The following ATP2B2 variants were observed in gnomAD, a reference collection of about 807,000 sequenced individuals.
The protein encoded by ATP2B2 is ATPase plasma membrane Ca2+ transporting 2, also known as plasma membrane calcium-transporting ATPase 2.
A neutral mutation model predicts 120.0 loss-of-function variants in ATP2B2; 15 were observed. The ratio of observed to expected loss-of-function variants is 0.12; its 90% CI spans 0.08 to 0.19. The LOEUF (loss-of-function observed/expected upper bound fraction) is 0.19. Ranked by LOEUF, ATP2B2 falls within the 10% of genes least tolerant of loss-of-function variation. The pLI, the probability that ATP2B2 is intolerant of heterozygous loss-of-function variation, is 1.00. For synonymous variants in ATP2B2, 694 were observed against 700.3 expected (o/e 0.99, Z 0.14); for missense variants, 1,045 against 1,719.8 (o/e 0.61, Z 6.94).
At chr3:10,445,204 T>C (rs1434346504) in intron 2 of ATP2B2, among the ~76,000 whole-genome samples, 3 of 152,264 alleles carry the variant, frequency 2.0e-5, no homozygotes, top group African/African-American at 7.2e-5. Context: ...CAGTGGCTTA[T>C]CTAATTTAAT....
rs566806038 is a variant in ATP2B2, at chr3:10,375,313, G to A, written c.1416+117C>T. The A allele has an allele frequency of 1.2e-6, 1 of 849,338 alleles. No individual in the cohort carries two copies. Among genetic ancestry groups the A allele is most frequent in the Admixed American group, 2.0e-5 (1 of 50,636 alleles). 52.6% of individuals were successfully genotyped at this position (849,338 alleles called of 1,614,324 possible). ...CATACATTCTTCTTCCAAGCTCCTA[G>A]GGGGTCTATGGGGCTTCTTCGTTCA... On this transcript the variant is annotated intron_variant, in intron 11 of 22. Coordinates refer to ENST00000360273, the MANE Select transcript of ATP2B2 (RefSeq NM_001001331.4). This position sits in a 1 kb window ranked among gnomAD's most constrained non-coding sequence, Gnocchi z 4.2.
chr3:10,600,127 G>C (rs555547692), intron 2 of ATP2B2, among the ~76,000 whole-genome samples: 14 of 151,874 alleles, frequency 9.2e-5, no homozygotes, highest in Non-Finnish European at 1.6e-4. Context: ...GGCCATGGGG[G>C]CCACACCCCT....
rs1308398413 is a variant in ATP2B2, at chr3:10,329,254, G to T, written c.3421-129C>A. The T allele has an allele frequency of 6.6e-6, 6 of 914,232 alleles. No individual in the cohort carries two copies. The Admixed American group carries it at 9.1e-5, about 14-fold the overall frequency. The allele number at this position is 914,232 out of a possible 1,614,324, so 56.6% of individuals were successfully genotyped here. On this transcript the variant is annotated intron_variant, in intron 22 of 22. Transcript: ENST00000360273. This position sits in a 1 kb window ranked among gnomAD's most constrained non-coding sequence, Gnocchi z 5.9. ...TGGCTGGAATCCATAGTCGCTGGGT[G>T]TTATTAGCATTGACAGGATGGGGGA...
chr3:10,474,395 T>C (rs1219976155), intron 1 of ATP2B2, among the ~76,000 whole-genome samples: 10 of 151,990 alleles, frequency 6.6e-5, no homozygotes. Flanking sequence ...CAGATATAAA[T>C]ATGGAAATCA....
intron 2 of ATP2B2, among the ~76,000 whole-genome samples, chr3:10,612,601 C>T (rs1234178388): frequency 6.6e-6 from 1 of 152,192 alleles, no homozygotes; most frequent in African/African-American, 2.4e-5. Context: ...CCTCAGTTAT[C>T]CAGCCCCATG....
In ATP2B2 at chr3:10,577,494, G is replaced by C. The variant is rs1370104244; in HGVS notation, c.-415+42423C>G. 2.6e-5 allele frequency among the ~76,000 whole-genome samples: 4 copies of C among 152,260 alleles called. No individual in the cohort carries two copies. In the South Asian group the frequency reaches 8.3e-4, roughly 32 times the overall value. ...CCCCAAGGCCATCAGGGGATCCCAGGGCTGCAGAAACCATCGGCTGGGCCA... is the reference window on the plus strand; with the variant it reads ...CCCCAAGGCCATCAGGGGATCCCAGCGCTGCAGAAACCATCGGCTGGGCCA... On this transcript the variant is annotated intron_variant, in intron 2 of 21. Transcript: ENST00000646379.
In ATP2B2 at chr3:10,618,270, C is replaced by T. The variant is rs1411317005; in HGVS notation, c.-415+1647G>A. Among the ~76,000 whole-genome samples the T allele has an allele frequency of 1.6e-4, 24 of 152,280 alleles. No homozygotes were observed. In the South Asian group the frequency reaches 2.7e-3, roughly 17 times the overall value. On this transcript the variant is annotated intron_variant, in intron 2 of 21. Coordinates refer to the ATP2B2 transcript ENST00000646379. ...AGCCTCAGTCTCCTCGCCTGCAGAA[C>T]GGGGATAATCATTGCGTCTTGTTCT...
At chr3:10,685,522 GTA>G (rs2071498457) in intron 1 of ATP2B2, among the ~76,000 whole-genome samples, 3 of 152,106 alleles carry the variant, frequency 2.0e-5, no homozygotes, top group Non-Finnish European at 2.9e-5. Flanking sequence ...GAGAGTGTGT[GTA>G]TGTGTGTGTG....
At chr3:10,441,512 T>C (rs937471265) in intron 2 of ATP2B2, among the ~76,000 whole-genome samples, 4 of 152,194 alleles carry the variant, frequency 2.6e-5, no homozygotes, top group Non-Finnish European at 2.9e-5. Flanking sequence ...AGTGCTGGGA[T>C]TACTGGTGCG....
intron 2 of ATP2B2, among the ~76,000 whole-genome samples, chr3:10,553,574 T>C (rs1189714679): frequency 6.6e-6 from 1 of 152,176 alleles, no homozygotes; most frequent in Non-Finnish European, 1.5e-5. Flanking sequence ...TACTTAAATA[T>C]TTAGTACTTA....
intron 18 of ATP2B2, 74 bp downstream of exon 18, chr3:10,345,310 C>G: frequency 1.9e-6 from 3 of 1,550,462 alleles, no homozygotes; most frequent in South Asian, 2.2e-5. Flanking sequence ...ACCTGGAGTA[C>G]CCTAAGGCCC....
intron 2 of ATP2B2, among the ~76,000 whole-genome samples, chr3:10,536,738 G>A (rs959300212): frequency 1.4e-5 from 2 of 138,544 alleles, no homozygotes; most frequent in African/African-American, 5.3e-5. Context: ...AAGTTGCCCA[G>A]GCTGGTCCTG....
chr3:10,672,166 A>G (rs6790235), intron 1 of ATP2B2, among the ~76,000 whole-genome samples: 124,277 of 152,142 alleles, frequency 0.82, 51,379 homozygotes, highest in African/African-American at 0.95. Context: ...TCACAGCCTC[A>G]GATTTCTGCT....
chr3:10,568,731 A>T (rs1367366985), intron 2 of ATP2B2, among the ~76,000 whole-genome samples: 1 of 152,160 alleles, frequency 6.6e-6, no homozygotes, highest in Non-Finnish European at 1.5e-5. Context: ...TGCTTTTCCC[A>T]ATGTGTTCCC....
intron 2 of ATP2B2, among the ~76,000 whole-genome samples, chr3:10,587,115 A>T (rs746919292): frequency 1.3e-5 from 2 of 152,114 alleles, no homozygotes; most frequent in Non-Finnish European, 2.9e-5. Context: ...GCAACACGGC[A>T]AAACCCCATA....
intron 5 of ATP2B2, among the ~76,000 whole-genome samples, chr3:10,397,423 A>G (rs1314003164): frequency 6.6e-6 from 1 of 152,200 alleles, no homozygotes; most frequent in Non-Finnish European, 1.5e-5. Flanking sequence ...TGGTTTGTGC[A>G]GTGCAAAACT....
intron 2 of ATP2B2, among the ~76,000 whole-genome samples, chr3:10,566,866 C>T (rs1390598735): frequency 6.6e-6 from 1 of 152,132 alleles, no homozygotes; most frequent in Non-Finnish European, 1.5e-5. Flanking sequence ...CTGGAAATTT[C>T]AGGATATATT....
At chr3:10,406,433 C>T (rs766610081) in intron 3 of ATP2B2, among the ~76,000 whole-genome samples, 52 of 152,338 alleles carry the variant, frequency 3.4e-4, no homozygotes, top group Non-Finnish European at 6.2e-4. Context: ...CTGCATTTAC[C>T]GCAGTGGTCT....
chr3:10,651,714 T>G (rs1323637780), intron 1 of ATP2B2, among the ~76,000 whole-genome samples: 1 of 150,446 alleles, frequency 6.6e-6, no homozygotes, highest in Non-Finnish European at 1.5e-5. Flanking sequence ...AATGGATGGA[T>G]GGATGGATGG....
Sources: gnomAD v4.1 joint callset for allele counts (sites outside exome capture counted in the v4.1 genomes callset) on GRCh38, gnomAD v4.1.1 for gene constraint, Gnocchi (gnomAD v3.1) non-coding constraint, MANE v1.5 for transcripts, NCBI Gene and HGNC (gene_info 2026-07-23, HGNC 2026-07-21) for gene names.